TEKTL1: variants seen among roughly 807,000 people sequenced by gnomAD.
The protein encoded by TEKTL1 is tektin-like protein 1.
the TEKTL1 span, chr19:15,022,049 A>T: frequency 1.4e-6 from 1 of 728,564 alleles, no homozygotes; most frequent in Non-Finnish European, 2.3e-6. Context: ...CCTGCCACGA[A>T]GTGGGGAGGC....
the TEKTL1 span, chr19:15,021,830 G>A: frequency 5.7e-4 from 919 of 1,614,076 alleles, 6 homozygotes; most frequent in African/African-American, 0.011. Context: ...AGTTCACCTG[G>A]AGACCGCAGA....
At chr19:15,023,086 G>T in the TEKTL1 span, 1 of 1,608,026 alleles carries the variant, frequency 6.2e-7, no homozygotes, top group Non-Finnish European at 8.5e-7. Flanking sequence ...CGCGCACGCC[G>T]CCGCCGCGCA....
At chr19:15,018,712 CAA>C in the TEKTL1 span, among the ~76,000 whole-genome samples, 2 of 34,906 alleles carry the variant, frequency 5.7e-5, no homozygotes, top group South Asian at 7.6e-4. Flanking sequence ...GACCCTATCT[CAA>C]AATATGTATA....
chr19:15,014,207 G>A, the TEKTL1 span, among the ~76,000 whole-genome samples: 7 of 152,150 alleles, frequency 4.6e-5, no homozygotes, highest in African/African-American at 1.4e-4. Flanking sequence ...TTGATCTCTC[G>A]CTGCATCCTT....
At chr19:15,022,087 T>TACTGG in the TEKTL1 span, among the ~76,000 whole-genome samples, 2 of 152,084 alleles carry the variant, frequency 1.3e-5, no homozygotes, top group African/African-American at 4.8e-5. Context: ...CTGAAGTGGG[T>TACTGG]ACTGGCGGGG....
the TEKTL1 span, chr19:15,021,946 A>T: frequency 1.3e-6 from 2 of 1,560,782 alleles, no homozygotes; most frequent in Non-Finnish European, 1.8e-6. Context: ...GTACCCCTCT[A>T]GGCCCAGCCC....
the TEKTL1 span, among the ~76,000 whole-genome samples, chr19:15,013,022 C>T: frequency 1.3e-5 from 2 of 152,092 alleles, no homozygotes; most frequent in African/African-American, 4.8e-5. Context: ...AGGAAGAAGT[C>T]CTCCCTACAG....
At chr19:15,016,773 C>A in the TEKTL1 span, among the ~76,000 whole-genome samples, 1 of 152,208 alleles carries the variant, frequency 6.6e-6, no homozygotes, top group Non-Finnish European at 1.5e-5. Flanking sequence ...TCTGTCACAA[C>A]TACTCAACTT....
chr19:15,020,830 G>A, the TEKTL1 span, among the ~76,000 whole-genome samples: 2 of 151,222 alleles, frequency 1.3e-5, no homozygotes, highest in Non-Finnish European at 2.9e-5. Context: ...TTTTCCCCCT[G>A]CACTCTCCTG....
chr19:15,011,006 C>G, the TEKTL1 span: 15 of 1,586,844 alleles, frequency 9.5e-6, no homozygotes, highest in South Asian at 2.3e-5. Context: ...CGTGGCCCAC[C>G]ACCTCGGCCG....
chr19:15,022,899 C>T, the TEKTL1 span: 3 of 1,600,696 alleles, frequency 1.9e-6, no homozygotes, highest in Admixed American at 1.7e-5. Flanking sequence ...TGCCACATCA[C>T]GTACCTGGAA....
the TEKTL1 span, chr19:15,011,324 G>A: frequency 1.3e-6 from 2 of 1,516,134 alleles, no homozygotes; most frequent in Non-Finnish European, 1.8e-6. Context: ...CAGGCTCAGC[G>A]AAGTGCGCAA....
the TEKTL1 span, chr19:15,010,798 G>A: frequency 1.3e-6 from 2 of 1,500,820 alleles, no homozygotes; most frequent in Non-Finnish European, 1.8e-6. Context: ...TAGGGTTCCC[G>A]GCCAGGCCGA....
chr19:15,012,602 T>C, the TEKTL1 span, among the ~76,000 whole-genome samples: 10 of 151,980 alleles, frequency 6.6e-5, no homozygotes, highest in Non-Finnish European at 1.5e-4. Context: ...CAGGAAGAGA[T>C]GCCTAAGCCC....
chr19:15,018,476 A>G, the TEKTL1 span, among the ~76,000 whole-genome samples: 71 of 151,690 alleles, frequency 4.7e-4, no homozygotes, highest in Non-Finnish European at 5.9e-5. Context: ...TGAGAGCCCA[A>G]GGTGGGTGGA....
At chr19:15,011,236 C>A in the TEKTL1 span, 1 of 1,486,934 alleles carries the variant, frequency 6.7e-7, no homozygotes, top group East Asian at 2.6e-5. Context: ...GCCTCACCGC[C>A]GCCCGCCTCG....
At chr19:15,018,715 A>AATATATATAT in the TEKTL1 span, among the ~76,000 whole-genome samples, 233 of 68,282 alleles carry the variant, frequency 3.4e-3, 43 homozygotes, top group African/African-American at 9.3e-3. Context: ...CCTATCTCAA[A>AATATATATAT]ATATGTATAT....
At chr19:15,012,485 T>C in the TEKTL1 span, among the ~76,000 whole-genome samples, 1 of 151,942 alleles carries the variant, frequency 6.6e-6, no homozygotes. Flanking sequence ...TTGTTTGAGC[T>C]CAGGAGTTCA....
At chr19:15,022,670 T>G in the TEKTL1 span, among the ~76,000 whole-genome samples, 7 of 150,776 alleles carry the variant, frequency 4.6e-5, no homozygotes, top group African/African-American at 1.7e-4. Context: ...GGAGGATCCT[T>G]CCTACACATC....
Sources: gnomAD v4.1 joint callset for allele counts (sites outside exome capture counted in the v4.1 genomes callset) on GRCh38, gnomAD v4.1.1 for gene constraint, MANE v1.5 for transcripts, NCBI Gene and HGNC (gene_info 2026-07-23, HGNC 2026-07-21) for gene names.